The following CCDC18 variants were observed in gnomAD, a reference collection of about 807,000 sequenced individuals.
The protein encoded by CCDC18 is coiled-coil domain containing 18.
A neutral mutation model predicts 196.0 loss-of-function variants in CCDC18; 157 were observed. The observed-to-expected ratio is 0.80, with a 90% CI of 0.70 to 0.91. The LOEUF is 0.91. Ranked by LOEUF, CCDC18 falls within the 40% of genes least tolerant of loss-of-function variation. CCDC18 has a pLI of 0.00. For missense variants in CCDC18, 1,465 were observed against 1,611.6 expected (o/e 0.91, Z 1.56); for synonymous variants, 482 against 529.2 (o/e 0.91, Z 1.22).
chr1:93,235,002 T>A (rs1428779221), intron 18 of CCDC18, among the ~76,000 whole-genome samples: 1 of 150,320 alleles, frequency 6.7e-6, no homozygotes, highest in Non-Finnish European at 1.5e-5. Flanking sequence ...TTTTTTTTTT[T>A]TTGGTAGAGA....
intron 26 of CCDC18, among the ~76,000 whole-genome samples, chr1:93,260,950 A>G (rs1171098993): frequency 2.0e-5 from 3 of 152,166 alleles, no homozygotes; most frequent in Non-Finnish European, 4.4e-5. Flanking sequence ...ACGTGAACTC[A>G]TCCTTTTTTA....
At chr1:93,213,705 G>A (rs1412812159) in intron 11 of CCDC18, among the ~76,000 whole-genome samples, 36 of 152,038 alleles carry the variant, frequency 2.4e-4, no homozygotes, top group Admixed American at 2.4e-3. Flanking sequence ...AGAACATACT[G>A]TATAGGACTT....
intron 13 of CCDC18, among the ~76,000 whole-genome samples, chr1:93,217,424 C>G (rs1199384582): frequency 2.0e-5 from 3 of 152,020 alleles, no homozygotes; most frequent in African/African-American, 7.2e-5. Flanking sequence ...GACTAATGTA[C>G]TTTTATGTAA....
chr1:93,260,793 G>A lies in CCDC18; in HGVS notation c.3684+1908G>A, dbSNP rs919650069. 1.5e-4 allele frequency among the ~76,000 whole-genome samples: 23 copies of A among 151,948 alleles called. No individual in the cohort carries two copies. In the East Asian group the frequency reaches 2.7e-3, roughly 18 times the overall value. On this transcript the variant is annotated intron_variant, in intron 26 of 28. Transcript: ENST00000690025. ...AATCCCCCACCACCCAACAGGCCCC[G>A]ATGTGTGATGTTCCCCTCCCTAGGT...
At chr1:93,259,633 A>G (rs996730814) in intron 26 of CCDC18, among the ~76,000 whole-genome samples, 3 of 152,216 alleles carry the variant, frequency 2.0e-5, no homozygotes, top group African/African-American at 4.8e-5. Flanking sequence ...GCTTAAATAC[A>G]TTTAGAATCA....
At chr1:93,218,386 C>T (rs1656841770) in intron 14 of CCDC18, among the ~76,000 whole-genome samples, 2 of 152,206 alleles carry the variant, frequency 1.3e-5, no homozygotes, top group South Asian at 4.1e-4. Context: ...ATAAATTAGA[C>T]ACAGTAAGAG....
chr1:93,222,752 G>A (rs1367906093), intron 16 of CCDC18, among the ~76,000 whole-genome samples: 2 of 152,142 alleles, frequency 1.3e-5, no homozygotes, highest in Non-Finnish European at 2.9e-5. Flanking sequence ...GGTATATAAA[G>A]TGCTTAGCAC....
chr1:93,252,003 A>ATCTGTCTGTCTG (rs1242942813), intron 23 of CCDC18, among the ~76,000 whole-genome samples: 4 of 131,118 alleles, frequency 3.1e-5, no homozygotes, highest in African/African-American at 1.1e-4. Context: ...TAGTCTATTT[A>ATCTGTCTGTCTG]TCTATCTATC....
chr1:93,191,024 T>TA (rs1295885372), intron 4 of CCDC18: 1 of 982,796 alleles, frequency 1.0e-6, no homozygotes, highest in Non-Finnish European at 1.6e-6. Context: ...CCACACTTCT[T>TA]ACAGAAAGTC....
intron 26 of CCDC18, among the ~76,000 whole-genome samples, chr1:93,263,453 T>C (rs1388315227): frequency 6.6e-6 from 1 of 152,186 alleles, no homozygotes; most frequent in African/African-American, 2.4e-5. Context: ...AAAAATTTCT[T>C]CTCTCAGAGA....
intron 26 of CCDC18, among the ~76,000 whole-genome samples, chr1:93,263,340 G>A (rs550174299): frequency 6.6e-6 from 1 of 151,918 alleles, no homozygotes; most frequent in South Asian, 2.1e-4. Context: ...TAACTTTTAT[G>A]CTCTGCTTCC....
intron 8 of CCDC18, 111 bp from the exon 9 acceptor site, chr1:93,206,996 G>A: frequency 1.7e-6 from 1 of 592,798 alleles, no homozygotes. Context: ...ATGTGAGCAG[G>A]TATTATTTTA....
intron 10 of CCDC18, 136 bp downstream of exon 10, chr1:93,211,062 G>T: frequency 1.2e-6 from 1 of 823,102 alleles, no homozygotes; most frequent in Non-Finnish European, 1.9e-6. Context: ...GGATCACGAG[G>T]TCAGGAGTTC....
chr1:93,260,218 T>C (rs1663595085), intron 26 of CCDC18, among the ~76,000 whole-genome samples: 1 of 152,156 alleles, frequency 6.6e-6, no homozygotes, highest in African/African-American at 2.4e-5. Flanking sequence ...ACCCCGTCTC[T>C]ACTAAAAATA....
chr1:93,205,292 A>G (rs555254994), intron 7 of CCDC18, among the ~76,000 whole-genome samples: 2 of 152,284 alleles, frequency 1.3e-5, no homozygotes, highest in African/African-American at 4.8e-5. Flanking sequence ...CCTATCTGTT[A>G]CAGGTTTTCT....
intron 4 of CCDC18, among the ~76,000 whole-genome samples, chr1:93,188,122 T>G (rs113148889): frequency 1.2e-3 from 178 of 152,346 alleles, no homozygotes; most frequent in African/African-American, 4.1e-3. Flanking sequence ...ATACTAGTAT[T>G]GTATTTCTCA....
intron 21 of CCDC18, among the ~76,000 whole-genome samples, chr1:93,245,187 A>T (rs1443792548): frequency 6.6e-6 from 1 of 152,242 alleles, no homozygotes; most frequent in East Asian, 1.9e-4. Context: ...GAATGAAAAC[A>T]TGAAAGATGT....
intron 1 of CCDC18, among the ~76,000 whole-genome samples, chr1:93,182,402 A>T (rs141890826): frequency 8.7e-4 from 133 of 152,330 alleles, no homozygotes; most frequent in African/African-American, 2.9e-3. Flanking sequence ...AACGTAATGC[A>T]CAGGACTTTT....
chr1:93,191,477 T>C (rs868088159), intron 4 of CCDC18, among the ~76,000 whole-genome samples: 39 of 152,202 alleles, frequency 2.6e-4, no homozygotes, highest in African/African-American at 8.2e-4. Context: ...TTTTCAGTGA[T>C]AGTTATCTTA....
Sources: gnomAD v4.1 joint callset for allele counts (sites outside exome capture counted in the v4.1 genomes callset) on GRCh38, gnomAD v4.1.1 for gene constraint, MANE v1.5 for transcripts, NCBI Gene and HGNC (gene_info 2026-07-23, HGNC 2026-07-21) for gene names.